Variants in HEATR4 observed in about 807,000 individuals in gnomAD.
HEATR4 encodes the protein HEAT repeat containing 4, also known as HEAT repeat-containing protein 4.
In HEATR4, 95 loss-of-function variants were observed where a neutral mutation model predicts 108.8. The ratio of observed to expected loss-of-function variants is 0.87; its 90% CI spans 0.74 to 1.04. HEATR4 has a LOEUF of 1.04. Ranked by LOEUF, HEATR4 falls within the 50% of genes least tolerant of loss-of-function variation. HEATR4 has a pLI of 0.00. For missense variants in HEATR4, 1,152 were observed against 1,253.8 expected (o/e 0.92, Z 1.23); for synonymous variants, 443 against 459.4 (o/e 0.96, Z 0.46).
chr14:73,605,474 C>T, the HEATR4 span, among the ~76,000 whole-genome samples: 26 of 151,580 alleles, frequency 1.7e-4, no homozygotes, highest in South Asian at 2.9e-3. Context: ...CAAACCTCCT[C>T]GCCTGGGAAC....
chr14:73,518,065 G>A (rs1416798585), intron 5 of HEATR4, among the ~76,000 whole-genome samples: 4 of 152,078 alleles, frequency 2.6e-5, no homozygotes, highest in Non-Finnish European at 4.4e-5. Flanking sequence ...CAGCCTGGGC[G>A]ACAGAGCGAG....
At chr14:73,584,878 C>T in the HEATR4 span, among the ~76,000 whole-genome samples, 1 of 151,356 alleles carries the variant, frequency 6.6e-6, no homozygotes, top group African/African-American at 2.4e-5. Context: ...TAGACCAGTG[C>T]ATCCCACAGC....
chr14:73,606,297 G>A, the HEATR4 span, among the ~76,000 whole-genome samples: 70 of 151,916 alleles, frequency 4.6e-4, 1 homozygote, highest in African/African-American at 1.5e-3. Flanking sequence ...TGGAGGTTGC[G>A]GTAAGCCGAG....
Position 73,506,804 on chromosome 14 carries a change from G to GT in HEATR4, c.1882-234dup, listed in dbSNP as rs34660727. Among the ~76,000 whole-genome samples, 368 of 80,486 alleles carry GT rather than the reference G, an allele frequency of 4.6e-3. 28 individuals carry two copies. The highest frequency in any genetic ancestry group is 0.012 in the East Asian group (21 of 1,738). 52.8% of individuals were successfully genotyped at this position (80,486 alleles called of 152,430 possible). Reference sequence around the variant, plus strand: ...GGACCTTCCTTTCCTGACTTTAACTGTTTTTTTTTTTTTTTTTTTTTCTGA... The same window carrying GT: ...GGACCTTCCTTTCCTGACTTTAACTGTTTTTTTTTTTTTTTTTTTTTTCTGA... On this transcript the variant is annotated intron_variant, in intron 9 of 17. Transcript: ENST00000553558.
At chr14:73,602,182 G>A in the HEATR4 span, among the ~76,000 whole-genome samples, 3,599 of 152,086 alleles carry the variant, frequency 0.024, 50 homozygotes, top group African/African-American at 0.04. Flanking sequence ...CTTGTGATCC[G>A]CCCGCCTCGG....
intron 8 of HEATR4, among the ~76,000 whole-genome samples, 182 bp from the exon 9 acceptor site, chr14:73,508,476 C>T (rs549642055): frequency 2.6e-5 from 4 of 152,174 alleles, no homozygotes; most frequent in South Asian, 4.1e-4. Context: ...TGGCTGGGCA[C>T]GGTGGCTAAC....
chr14:73,594,975 G>T, the HEATR4 span: 1 of 1,559,762 alleles, frequency 6.4e-7, no homozygotes, highest in Non-Finnish European at 8.7e-7. Flanking sequence ...AGAGTGTTGG[G>T]ATTACAGGCA....
intron 1 of HEATR4, among the ~76,000 whole-genome samples, chr14:73,535,172 AATGAT>A (rs1459540479): frequency 8.7e-6 from 1 of 115,010 alleles, no homozygotes; most frequent in African/African-American, 2.8e-5. Context: ...TCTCTATTAA[AATGAT>A]ATGATTAGCA....
chr14:73,524,851 C>T (rs764707468), intron 2 of HEATR4, among the ~76,000 whole-genome samples: 7 of 151,968 alleles, frequency 4.6e-5, no homozygotes, highest in Non-Finnish European at 8.8e-5. Flanking sequence ...CAACTCCTGC[C>T]CGGTGTCCAA....
intron 1 of HEATR4, among the ~76,000 whole-genome samples, chr14:73,540,195 C>T (rs569574189): frequency 0.097 from 13,341 of 137,970 alleles, 20 homozygotes; most frequent in African/African-American, 0.29. Flanking sequence ...TCTTAACTTA[C>T]AAAGTTAAAT....
the HEATR4 span, among the ~76,000 whole-genome samples, chr14:73,624,960 G>A: frequency 6.6e-6 from 1 of 152,174 alleles, no homozygotes; most frequent in African/African-American, 2.4e-5. Flanking sequence ...TGTGTCAAGA[G>A]AGTCTATCAG....
the HEATR4 span, among the ~76,000 whole-genome samples, chr14:73,618,253 G>A: frequency 6.6e-6 from 1 of 152,140 alleles, no homozygotes; most frequent in Non-Finnish European, 1.5e-5. Flanking sequence ...ACATTCTAAT[G>A]TTAAGATATA....
At chr14:73,517,951 T>C (rs1477014577) in intron 5 of HEATR4, among the ~76,000 whole-genome samples, 1 of 152,096 alleles carries the variant, frequency 6.6e-6, no homozygotes, top group Admixed American at 6.6e-5. Flanking sequence ...CTGGGTGTGG[T>C]GGCGCGCACC....
chr14:73,536,043 C>T (rs1268329719), intron 1 of HEATR4, among the ~76,000 whole-genome samples: 2 of 115,742 alleles, frequency 1.7e-5, no homozygotes, highest in African/African-American at 5.6e-5. Flanking sequence ...ACAGAATATA[C>T]TTGATGTGTG....
At chr14:73,505,348 A>G (rs1001505293) in intron 10 of HEATR4, among the ~76,000 whole-genome samples, 8 of 151,900 alleles carry the variant, frequency 5.3e-5, no homozygotes, top group Non-Finnish European at 4.4e-5. Flanking sequence ...TGTTCCTACC[A>G]TAGTGTTAAT....
chr14:73,497,083 A>G (rs191706637), intron 14 of HEATR4, among the ~76,000 whole-genome samples: 3 of 152,256 alleles, frequency 2.0e-5, no homozygotes, highest in African/African-American at 4.8e-5. Flanking sequence ...TTTAGTAGAG[A>G]TGGGGTTTCA....
At chr14:73,512,981 C>A (rs923306245) in intron 6 of HEATR4, among the ~76,000 whole-genome samples, 3 of 152,198 alleles carry the variant, frequency 2.0e-5, no homozygotes, top group Non-Finnish European at 4.4e-5. Context: ...TTGTCCCAGG[C>A]ACTCAGACTT....
At chr14:73,493,791 T>C (rs553125477) in intron 16 of HEATR4, among the ~76,000 whole-genome samples, 1 of 152,268 alleles carries the variant, frequency 6.6e-6, no homozygotes, top group Admixed American at 6.5e-5. Context: ...TGAGCTGAGA[T>C]CATGCCACTG....
At position 73,532,615 on chromosome 14, in the gene HEATR4, G is replaced by A. The variant is rs569611973; in HGVS notation, c.-151-2371C>T. 8.7e-5 allele frequency among the ~76,000 whole-genome samples: 10 copies of A among 115,324 alleles called. 2 individuals carry two copies. Among genetic ancestry groups the A allele is most frequent in the African/African-American group, 2.5e-4 (9 of 35,364 alleles). The allele number at this position is 115,324 out of a possible 152,430, so 75.7% of individuals were successfully genotyped here. A position where few individuals can be genotyped will look rare whatever the true frequency, so the allele number is the denominator to read the frequency against. Reference sequence around the variant, plus strand: ...ACTTGGGCTCAAGCTGCACTCAGATGGTTGGACCACCATAAAAGAGCGAGA... The same window carrying A: ...ACTTGGGCTCAAGCTGCACTCAGATAGTTGGACCACCATAAAAGAGCGAGA... On this transcript the variant is annotated intron_variant, in intron 1 of 17. Transcript: ENST00000553558.
Sources: gnomAD v4.1 joint callset for allele counts (sites outside exome capture counted in the v4.1 genomes callset) on GRCh38, gnomAD v4.1.1 for gene constraint, MANE v1.5 for transcripts, NCBI Gene and HGNC (gene_info 2026-07-23, HGNC 2026-07-21) for gene names.